LRMDA: variants seen among roughly 807,000 people sequenced by gnomAD.
The protein encoded by LRMDA is leucine rich melanocyte differentiation associated.
A neutral mutation model predicts 29.8 loss-of-function variants in LRMDA; 18 were observed. The observed-to-expected ratio is 0.60, with a 90% confidence interval of 0.42 to 0.90. The LOEUF (loss-of-function observed/expected upper bound fraction) is 0.90, where lower values mean the gene tolerates loss of function less well. Ranked by LOEUF, LRMDA falls within the 40% of genes least tolerant of loss-of-function variation. LRMDA has a pLI of 0.00. For missense variants in LRMDA, 273 were observed against 273.9 expected (o/e 1.00, Z 0.02); for synonymous variants, 125 against 109.4 (o/e 1.14, Z -0.89).
intron 2 of LRMDA, among the ~76,000 whole-genome samples, chr10:75,586,447 T>C (rs915897324): frequency 1.0e-4 from 15 of 145,042 alleles, no homozygotes; most frequent in African/African-American, 3.8e-4. Flanking sequence ...AGCCTCTGCC[T>C]CCTGGGCTCA....
chr10:76,446,697 T>C (rs954646431), intron 6 of LRMDA, among the ~76,000 whole-genome samples: 1 of 152,194 alleles, frequency 6.6e-6, no homozygotes, highest in Non-Finnish European at 1.5e-5. Context: ...GCAGTCCACT[T>C]GGTGACTCAC....
At chr10:75,506,667 T>A (rs1293737876) in intron 2 of LRMDA, among the ~76,000 whole-genome samples, 1 of 152,192 alleles carries the variant, frequency 6.6e-6, no homozygotes, top group Non-Finnish European at 1.5e-5. Flanking sequence ...AAAAGTCCCA[T>A]GTATCCCCTG....
At chr10:76,435,916 A>G (rs1272731611) in intron 6 of LRMDA, among the ~76,000 whole-genome samples, 1 of 152,252 alleles carries the variant, frequency 6.6e-6, no homozygotes, top group African/African-American at 2.4e-5. Flanking sequence ...AAGAAAGCCT[A>G]CATTCCAGAT....
chr10:76,349,905 C>T (rs1043241869), intron 6 of LRMDA, among the ~76,000 whole-genome samples: 4 of 151,926 alleles, frequency 2.6e-5, no homozygotes, highest in Non-Finnish European at 5.9e-5. Context: ...GAACTATACT[C>T]ATAGCATAAC....
At chr10:76,115,792 G>A (rs1365741236) in intron 5 of LRMDA, among the ~76,000 whole-genome samples, 1 of 152,154 alleles carries the variant, frequency 6.6e-6, no homozygotes, top group Admixed American at 6.5e-5. Context: ...GTCAGAACAG[G>A]TGGAAGTGAC....
intron 6 of LRMDA, among the ~76,000 whole-genome samples, chr10:76,491,131 A>G (rs1842830115): frequency 6.6e-6 from 1 of 151,794 alleles, no homozygotes; most frequent in Non-Finnish European, 1.5e-5. Context: ...TATAATCTCT[A>G]TGTCTTGAAA....
chr10:75,883,799 A>T (rs1845333504), intron 2 of LRMDA, among the ~76,000 whole-genome samples: 1 of 151,430 alleles, frequency 6.6e-6, no homozygotes, highest in Non-Finnish European at 1.5e-5. Flanking sequence ...AGTAAGAGAC[A>T]ATAGATGTGT....
intron 6 of LRMDA, among the ~76,000 whole-genome samples, chr10:76,389,122 A>G (rs967653611): frequency 6.6e-6 from 1 of 152,198 alleles, no homozygotes; most frequent in African/African-American, 2.4e-5. Flanking sequence ...TTGAAGGACT[A>G]ATAAAATGGA....
At chr10:76,531,472 C>G (rs1044185134) in intron 6 of LRMDA, among the ~76,000 whole-genome samples, 6 of 151,826 alleles carry the variant, frequency 4.0e-5, no homozygotes, top group South Asian at 4.1e-4. Context: ...CCCCTTTTTT[C>G]CTGTGTTGCT....
intron 2 of LRMDA, among the ~76,000 whole-genome samples, chr10:75,604,813 C>G (rs1015896951): frequency 6.6e-6 from 1 of 152,174 alleles, no homozygotes; most frequent in African/African-American, 2.4e-5. Context: ...ACTTACCAAT[C>G]AGAGCTTGCC....
intron 6 of LRMDA, among the ~76,000 whole-genome samples, chr10:76,490,331 A>AT (rs1368092096): frequency 2.6e-5 from 4 of 151,636 alleles, no homozygotes; most frequent in Non-Finnish European, 4.4e-5. Context: ...TTTCTTTGTT[A>AT]TTTTTTTGGC....
At chr10:75,792,122 T>G (rs1389703502) in intron 2 of LRMDA, among the ~76,000 whole-genome samples, 2 of 152,076 alleles carry the variant, frequency 1.3e-5, no homozygotes, top group African/African-American at 2.4e-5. Context: ...CCTCTCAAAG[T>G]GCTGCGGGCG....
intron 2 of LRMDA, among the ~76,000 whole-genome samples, chr10:75,569,962 A>G (rs1408412732): frequency 6.6e-6 from 1 of 152,258 alleles, no homozygotes; most frequent in Non-Finnish European, 1.5e-5. Flanking sequence ...GGCATGGATA[A>G]CAAAGTAAGC....
chr10:76,383,360 C>T (rs1215725980), intron 6 of LRMDA, among the ~76,000 whole-genome samples: 1 of 151,772 alleles, frequency 6.6e-6, no homozygotes, highest in Non-Finnish European at 1.5e-5. Context: ...AGCTCTGCAC[C>T]ACACTCCAGA....
intron 2 of LRMDA, among the ~76,000 whole-genome samples, chr10:75,440,905 T>C (rs1024084579): frequency 1.3e-5 from 2 of 151,906 alleles, no homozygotes; most frequent in Admixed American, 1.3e-4. Flanking sequence ...GGCATGGTGG[T>C]GGGTGCCTGT....
chr10:75,489,343 T>C (rs1268017073), intron 2 of LRMDA, among the ~76,000 whole-genome samples: 1 of 152,218 alleles, frequency 6.6e-6, no homozygotes, highest in Non-Finnish European at 1.5e-5. Flanking sequence ...GACTGGTCTC[T>C]GTGACTTGGT....
intron 5 of LRMDA, among the ~76,000 whole-genome samples, chr10:76,274,285 G>T (rs886660946): frequency 5.3e-5 from 8 of 152,126 alleles, no homozygotes; most frequent in African/African-American, 1.9e-4. Context: ...TAAATTGGAA[G>T]AATTAAATAA....
intron 3 of LRMDA, among the ~76,000 whole-genome samples, chr10:76,044,866 T>G (rs1848404286): frequency 6.6e-6 from 1 of 152,356 alleles, no homozygotes; most frequent in African/African-American, 2.4e-5. Context: ...AGCAAATGAG[T>G]GTGCTCACAA....
intron 5 of LRMDA, among the ~76,000 whole-genome samples, chr10:76,322,902 C>T (rs914560980): frequency 1.3e-5 from 2 of 152,144 alleles, no homozygotes; most frequent in African/African-American, 4.8e-5. Flanking sequence ...CCTCATGTTT[C>T]ATTCATCAGG....
Sources: gnomAD v4.1 joint callset for allele counts (sites outside exome capture counted in the v4.1 genomes callset) on GRCh38, gnomAD v4.1.1 for gene constraint, MANE v1.5 for transcripts, NCBI Gene and HGNC (gene_info 2026-07-23, HGNC 2026-07-21) for gene names.